Variants in BLVRA observed in about 807,000 individuals in gnomAD.
BLVRA encodes the protein biliverdin reductase A.
In BLVRA, 22 loss-of-function variants were observed where a neutral mutation model predicts 32.8. That is an observed-to-expected ratio of 0.67 (90% CI 0.48 to 0.96). The LOEUF (loss-of-function observed/expected upper bound fraction) is 0.96. BLVRA is among the 40% of genes least tolerant of loss of function. The pLI, the probability that BLVRA is intolerant of heterozygous loss-of-function variation, is 0.00. For synonymous variants in BLVRA, 119 were observed against 141.3 expected, an observed-to-expected ratio of 0.84 and a Z score of 1.12; for missense variants, 323 against 358.1, an observed-to-expected ratio of 0.90 and a Z score of 0.79.
At chr7:43,801,061 G>A (rs1465897490) in intron 6 of BLVRA, among the ~76,000 whole-genome samples, 9 of 152,090 alleles carry the variant, frequency 5.9e-5, no homozygotes, top group Admixed American at 5.2e-4. Flanking sequence ...GTGCAGTGGT[G>A]CAATCATAGC....
At chr7:43,806,225 A>C (rs1259246132) in intron 7 of BLVRA, among the ~76,000 whole-genome samples, 1 of 152,154 alleles carries the variant, frequency 6.6e-6, no homozygotes, top group African/African-American at 2.4e-5. Flanking sequence ...AGGCAGGAGA[A>C]TCGTTTGAAC....
chr7:43,782,023 T>C (rs1337141460), intron 2 of BLVRA, among the ~76,000 whole-genome samples: 1 of 152,224 alleles, frequency 6.6e-6, no homozygotes, highest in Admixed American at 6.5e-5. Context: ...CTCTTATGAA[T>C]TTCCATTGTG....
chr7:43,760,565 A>C (rs970820479), intron 1 of BLVRA, among the ~76,000 whole-genome samples: 26 of 152,140 alleles, frequency 1.7e-4, no homozygotes, highest in African/African-American at 6.3e-4. Context: ...TCATATATTT[A>C]AGATTTTAGA....
chr7:43,762,606 CTTT>C (rs1162480081), intron 1 of BLVRA, among the ~76,000 whole-genome samples: 2 of 100,866 alleles, frequency 2.0e-5, no homozygotes, highest in African/African-American at 9.0e-5. Flanking sequence ...CCAGTAGTTC[CTTT>C]TTTTTTTTTT....
chr7:43,790,107 CTCAGCT>C (rs1332014498), intron 3 of BLVRA, among the ~76,000 whole-genome samples: 5 of 152,146 alleles, frequency 3.3e-5, no homozygotes, highest in Non-Finnish European at 4.4e-5. Flanking sequence ...CCTGCTGCAG[CTCAGCT>C]GGAGCTCTGA....
In BLVRA at chr7:43,765,138, G is replaced by T. The variant is rs965695889; in HGVS notation, c.-21-6000G>T. Among the ~76,000 whole-genome samples the T allele has an allele frequency of 2.6e-5, 4 of 152,374 alleles. No homozygotes were observed. In the South Asian group the frequency reaches 8.3e-4, roughly 32 times the overall value. On this transcript the variant is annotated intron_variant, in intron 1 of 7. Transcript: ENST00000265523. ...TGCTTTAAATTGCTTCAAGCAAGTTGTTTCTGCAAAGGTGTTGACTTTTTT... is the reference window on the plus strand; with the variant it reads ...TGCTTTAAATTGCTTCAAGCAAGTTTTTTCTGCAAAGGTGTTGACTTTTTT...
chr7:43,782,500 C>T (rs986532130), intron 2 of BLVRA, among the ~76,000 whole-genome samples: 1 of 152,136 alleles, frequency 6.6e-6, no homozygotes, highest in Non-Finnish European at 1.5e-5. Context: ...GTTTAGCACA[C>T]AGCGTGAAGA....
chr7:43,788,309 C>T (rs150066986), intron 3 of BLVRA, among the ~76,000 whole-genome samples: 6 of 152,336 alleles, frequency 3.9e-5, no homozygotes, highest in African/African-American at 9.6e-5. Flanking sequence ...ACAGAAAACA[C>T]ATGCATGGGG....
At chr7:43,759,965 T>C (rs2095740412) in intron 1 of BLVRA, 1 of 151,542 alleles carries the variant, frequency 6.6e-6, no homozygotes, top group Non-Finnish European at 1.5e-5. Context: ...ATTCTCAGTG[T>C]GTTTTCCCAC....
intron 1 of BLVRA, among the ~76,000 whole-genome samples, chr7:43,770,324 A>G (rs756048687): frequency 3.9e-5 from 6 of 152,154 alleles, no homozygotes; most frequent in Non-Finnish European, 8.8e-5. Context: ...GAGAGAAAAA[A>G]TTAATCTTTA....
At chr7:43,784,951 G>A (rs916910695) in intron 2 of BLVRA, among the ~76,000 whole-genome samples, 6 of 152,090 alleles carry the variant, frequency 3.9e-5, no homozygotes, top group Non-Finnish European at 8.8e-5. Context: ...TTGCAAGGCA[G>A]TAATATCGAA....
intron 7 of BLVRA, among the ~76,000 whole-genome samples, chr7:43,805,676 A>G (rs772002931): frequency 2.0e-5 from 3 of 152,156 alleles, no homozygotes; most frequent in Non-Finnish European, 4.4e-5. Flanking sequence ...TCTTAAAATC[A>G]TAGTACTTTC....
intron 3 of BLVRA, among the ~76,000 whole-genome samples, chr7:43,790,499 T>A (rs2095784504): frequency 6.6e-6 from 1 of 151,936 alleles, no homozygotes; most frequent in African/African-American, 2.4e-5. Context: ...ACTACTGGGC[T>A]TCGTTAGCTT....
intron 5 of BLVRA, among the ~76,000 whole-genome samples, chr7:43,796,906 A>G (rs1427138342): frequency 6.6e-6 from 1 of 152,202 alleles, no homozygotes; most frequent in Non-Finnish European, 1.5e-5. Flanking sequence ...TTGGATAGAC[A>G]TTTTTCTGAA....
intron 7 of BLVRA, 29 bp downstream of exon 7, chr7:43,803,876 G>T: frequency 6.2e-7 from 1 of 1,611,896 alleles, no homozygotes; most frequent in Middle Eastern, 1.7e-4. Context: ...TGAGGAGGAG[G>T]AAATTTAAGG....
Position 43,781,747 on chromosome 7 carries a change from T to C in BLVRA, c.13-6157T>C, listed in dbSNP as rs566967157. ...TAATCTGCTACACAGCAGCCCAGAATGTGCATCCATTTAGTCCTAACAAAA... is the reference window on the plus strand; with the variant it reads ...TAATCTGCTACACAGCAGCCCAGAACGTGCATCCATTTAGTCCTAACAAAA... On this transcript the variant is annotated intron_variant, in intron 2 of 7. Coordinates refer to ENST00000265523, the MANE Select transcript of BLVRA (RefSeq NM_000712.4). Among the ~76,000 whole-genome samples, 11 of 152,356 alleles carry C rather than the reference T, an allele frequency of 7.2e-5. No homozygotes were observed. The South Asian group carries it at 1.2e-3, about 17-fold the overall frequency.
intron 5 of BLVRA, among the ~76,000 whole-genome samples, chr7:43,800,216 A>G (rs537077420): frequency 6.6e-6 from 1 of 152,292 alleles, no homozygotes; most frequent in South Asian, 2.1e-4. Context: ...TCGGCCTTCC[A>G]AAGTGCTGGG....
At chr7:43,798,947 G>A (rs2095795753) in intron 5 of BLVRA, among the ~76,000 whole-genome samples, 1 of 148,936 alleles carries the variant, frequency 6.7e-6, no homozygotes, top group Admixed American at 6.7e-5. Context: ...ATAGTGCTGG[G>A]GAAAATATAA....
At chr7:43,761,266 A>G (rs1413978898) in intron 1 of BLVRA, among the ~76,000 whole-genome samples, 1 of 152,132 alleles carries the variant, frequency 6.6e-6, no homozygotes, top group African/African-American at 2.4e-5. Context: ...AGTAACAAAT[A>G]AATAGAAGAT....
Sources: allele counts gnomAD v4.1 joint callset (sites outside exome capture counted in the v4.1 genomes callset), GRCh38; gene constraint gnomAD v4.1.1; transcripts MANE v1.5; gene names NCBI Gene and HGNC (gene_info 2026-07-23, HGNC 2026-07-21).